The following SCN2A variants were observed in gnomAD, a reference collection of about 807,000 sequenced individuals.
SCN2A encodes sodium voltage-gated channel alpha subunit 2.
In SCN2A, 20 loss-of-function variants were observed where a neutral mutation model predicts 188.7. That is an observed-to-expected ratio of 0.11 (90% CI 0.07 to 0.15). The LOEUF (loss-of-function observed/expected upper bound fraction) is 0.15. Ranked by LOEUF, SCN2A falls within the 10% of genes least tolerant of loss-of-function variation. The pLI is 1.00. For synonymous variants in SCN2A, 804 were observed against 833.1 expected (o/e 0.97, Z 0.60); for missense variants, 1,278 against 2,445.0 (o/e 0.52, Z 10.07).
At chr2:165,297,612 G>A (rs1159622184) in intron 3 of SCN2A, among the ~76,000 whole-genome samples, 1 of 152,156 alleles carries the variant, frequency 6.6e-6, no homozygotes, top group African/African-American at 2.4e-5. Context: ...AAAGCTTTGA[G>A]TTAGTAAGCG....
chr2:165,265,313 A>C lies in SCN2A; in HGVS notation c.-52+25673A>C, dbSNP rs190020531. Among the ~76,000 whole-genome samples, 251 of 147,450 alleles carry C rather than the reference A, an allele frequency of 1.7e-3. 3 individuals carry two copies. Among genetic ancestry groups the C allele is most frequent in the African/African-American group, 6.1e-3 (246 of 40,392 alleles). Reference sequence around the variant, plus strand: ...TTCTTCTTTTGAGAAGTGTCTGTTCATGTCCATTGGCCACTTTTTAATGGG... The same window carrying C: ...TTCTTCTTTTGAGAAGTGTCTGTTCCTGTCCATTGGCCACTTTTTAATGGG... On this transcript the variant is annotated intron_variant, in intron 1 of 26. Coordinates refer to ENST00000375437, the MANE Select transcript of SCN2A (RefSeq NM_001040142.2).
intron 17 of SCN2A, among the ~76,000 whole-genome samples, chr2:165,356,268 A>C (rs1700175797): frequency 6.6e-6 from 1 of 152,200 alleles, no homozygotes; most frequent in Non-Finnish European, 1.5e-5. Context: ...GTCCTGGGGC[A>C]AAGAATTACT....
intron 1 of SCN2A, chr2:165,290,916 T>A (rs960200051): frequency 1.4e-5 from 4 of 292,674 alleles, no homozygotes; most frequent in Non-Finnish European, 2.0e-5. Context: ...AGAATGTGAC[T>A]AGAGCACGCA....
chr2:165,311,803 A>G (rs1574562493), intron 7 of SCN2A, among the ~76,000 whole-genome samples: 1 of 152,156 alleles, frequency 6.6e-6, no homozygotes, highest in Non-Finnish European at 1.5e-5. Context: ...CCTTCTGAAC[A>G]TTTTTCTTTT....
intron 1 of SCN2A, among the ~76,000 whole-genome samples, chr2:165,241,567 T>C (rs1043681824): frequency 6.6e-6 from 1 of 152,248 alleles, no homozygotes. Context: ...TCTACATATA[T>C]TTGTGGAATA....
At chr2:165,359,783 T>G (rs2105346749) in intron 17 of SCN2A, among the ~76,000 whole-genome samples, 1 of 152,088 alleles carries the variant, frequency 6.6e-6, no homozygotes, top group Non-Finnish European at 1.5e-5. Context: ...ATCTTTAATA[T>G]AAGAACAAAA....
rs753230984 is a variant in SCN2A at position 165,354,627 on chromosome 2, A to G, written c.3355A>G (p.Thr1119Ala). ...AGAATCTGACTTTGAAAATTTAAATACTGAAGAATTCAGCAGCGAGTCAGA... is the reference window on the plus strand; with the variant it reads ...AGAATCTGACTTTGAAAATTTAAATGCTGAAGAATTCAGCAGCGAGTCAGA... ...VGESDFENLN[T>A]EEFSSESDME... Residue 1119 changes from threonine to alanine, a missense_variant, in exon 17 of 27, where the codon ACT becomes GCT. Around this residue, in one of 17 missense-constraint regions of SCN2A, gnomAD observed 228 missense variants for 297.3 expected, o/e 0.77. Transcript: ENST00000375437. The G allele has an allele frequency of 6.2e-7, 1 of 1,613,968 alleles. No individual in the cohort carries two copies.
Position 165,323,359 on chromosome 2 carries a change from C to T in SCN2A, c.1875C>T (p.Val625=), listed in dbSNP as rs1698169108. The change falls in exon 12 of 27, where the codon GTC becomes GTT. Residue 625 remains valine, a synonymous_variant. Coordinates refer to ENST00000375437, the MANE Select transcript of SCN2A (RefSeq NM_001040142.2). ...HRHGERRHSN[V]SQASRASRVL... ...ATGGAGAACGGCGCCACAGCAATGT[C>T]AGCCAGGCCAGCCGTGCCTCCAGGG... 1 of 1,614,138 alleles carries T rather than the reference C, an allele frequency of 6.2e-7. No individual in the cohort carries two copies. Among genetic ancestry groups the T allele is most frequent in the Non-Finnish European group, 8.5e-7 (1 of 1,180,016 alleles).
chr2:165,354,815 G>C, intron 17 of SCN2A, 144 bp downstream of exon 17: 3 of 798,880 alleles, frequency 3.8e-6, no homozygotes, highest in Non-Finnish European at 5.8e-6. Flanking sequence ...TGGAAAAGTT[G>C]GTAATAAATA....
intron 23 of SCN2A, among the ~76,000 whole-genome samples, chr2:165,380,194 G>A (rs1701527813): frequency 6.6e-6 from 1 of 151,818 alleles, no homozygotes; most frequent in South Asian, 2.1e-4. Context: ...TCTCACAGAT[G>A]AGAAAACTGA....
At chr2:165,290,539 T>G (rs910586241) in intron 1 of SCN2A, 3 of 152,148 alleles carry the variant, frequency 2.0e-5, no homozygotes, top group African/African-American at 7.3e-5. Context: ...AAGTAGATAC[T>G]ATGTGTTATT....
intron 19 of SCN2A, among the ~76,000 whole-genome samples, chr2:165,368,939 A>ATTC (rs1457485473): frequency 3.3e-5 from 5 of 151,582 alleles, no homozygotes; most frequent in Non-Finnish European, 7.4e-5. Flanking sequence ...TATTATTATT[A>ATTC]TTATTTTTTA....
intron 3 of SCN2A, among the ~76,000 whole-genome samples, chr2:165,298,107 A>C (rs1449623941): frequency 6.6e-6 from 1 of 152,192 alleles, no homozygotes; most frequent in Non-Finnish European, 1.5e-5. Flanking sequence ...CAGGAATCAG[A>C]GGTAAGGCAG....
At chr2:165,322,449 T>G (rs1385118027) in intron 11 of SCN2A, among the ~76,000 whole-genome samples, 3 of 152,098 alleles carry the variant, frequency 2.0e-5, no homozygotes, top group African/African-American at 7.2e-5. Context: ...AACAAAAAAT[T>G]AAATGGTTGT....
chr2:165,370,460 C>A, intron 20 of SCN2A, 161 bp downstream of exon 20: 1 of 720,926 alleles, frequency 1.4e-6, no homozygotes, highest in Non-Finnish European at 2.5e-6. Context: ...CATTTTTTAC[C>A]AATTTAAATA....
chr2:165,344,537 T>C lies in SCN2A; in HGVS notation c.2563-18T>C. 1 of 1,609,624 alleles carries C rather than the reference T, an allele frequency of 6.2e-7. No individual in the cohort carries two copies. Among genetic ancestry groups the C allele is most frequent in the Admixed American group, 1.7e-5 (1 of 59,996 alleles). ...TAGAAATGCAGAGCATTAACACTGT[T>C]CTTGCTTTTATTTCCAGCTCCGAGT... On this transcript the variant is annotated intron_variant, in intron 15 of 26. Coordinates refer to ENST00000375437, the MANE Select transcript of SCN2A (RefSeq NM_001040142.2).
chr2:165,265,471 C>CTCTATATATATATA (rs1380825419), intron 1 of SCN2A, among the ~76,000 whole-genome samples: 12 of 29,014 alleles, frequency 4.1e-4, no homozygotes, highest in African/African-American at 1.4e-3. Context: ...CTCTGTTGAT[C>CTCTATATATATATA]TATATATATA....
At chr2:165,246,103 T>A (rs1405297790) in intron 1 of SCN2A, among the ~76,000 whole-genome samples, 1 of 152,154 alleles carries the variant, frequency 6.6e-6, no homozygotes, top group Admixed American at 6.5e-5. Flanking sequence ...ACTCACAGCA[T>A]CATAAATCTA....
At chr2:165,276,964 A>C (rs1050591807) in intron 1 of SCN2A, among the ~76,000 whole-genome samples, 1 of 152,192 alleles carries the variant, frequency 6.6e-6, no homozygotes, top group Non-Finnish European at 1.5e-5. Context: ...TCACGAGGTC[A>C]GGAGATGGAG....
Sources: allele counts gnomAD v4.1 joint callset (sites outside exome capture counted in the v4.1 genomes callset), GRCh38; gene constraint gnomAD v4.1.1; regional missense constraint gnomAD v4.1.1; transcripts MANE v1.5; gene names NCBI Gene and HGNC (gene_info 2026-07-23, HGNC 2026-07-21).